CHLSN: variants seen among roughly 807,000 people sequenced by gnomAD.
CHLSN encodes the protein cholesin, also known as protein cholesin.
At chr7:1,136,393 T>C in the CHLSN span, among the ~76,000 whole-genome samples, 1 of 78,072 alleles carries the variant, frequency 1.3e-5, no homozygotes, top group Non-Finnish European at 2.4e-5. Context: ...TATAAACATA[T>C]ATATAAATAT....
chr7:1,004,254 C>T, the CHLSN span, among the ~76,000 whole-genome samples: 5 of 152,154 alleles, frequency 3.3e-5, no homozygotes, highest in African/African-American at 1.2e-4. Context: ...CATCTGCCTG[C>T]TGGGGGCTGT....
chr7:1,065,002 C>T, the CHLSN span, among the ~76,000 whole-genome samples: 5 of 151,970 alleles, frequency 3.3e-5, no homozygotes, highest in South Asian at 6.2e-4. Flanking sequence ...GCTGTCCAAC[C>T]CTAATCATCA....
chr7:989,509 G>C, the CHLSN span: 1 of 153,364 alleles, frequency 6.5e-6, no homozygotes, highest in East Asian at 1.9e-4. Flanking sequence ...GACCCGGTGC[G>C]GTGGCTCATG....
chr7:1,027,156 T>A, the CHLSN span: 2 of 152,272 alleles, frequency 1.3e-5, no homozygotes, highest in East Asian at 3.8e-4. Context: ...TTGTTACACA[T>A]AGTTTAAAAC....
chr7:983,157 G>A, the CHLSN span: 1 of 1,397,368 alleles, frequency 7.2e-7, no homozygotes, highest in Non-Finnish European at 9.4e-7. Context: ...GGCCTATAAG[G>A]GTGCGGGGGG....
chr7:985,077 TG>T, the CHLSN span: 1 of 1,612,408 alleles, frequency 6.2e-7, no homozygotes, highest in Non-Finnish European at 8.5e-7. Flanking sequence ...AATGCCTCTC[TG>T]GGCAGCTGGA....
the CHLSN span, chr7:1,045,284 G>A: frequency 1.2e-3 from 184 of 152,368 alleles, no homozygotes; most frequent in African/African-American, 4.2e-3. Context: ...GCTTATCTCT[G>A]CATGCATGCT....
the CHLSN span, among the ~76,000 whole-genome samples, chr7:1,064,191 C>T: frequency 4.8e-3 from 731 of 152,264 alleles, 6 homozygotes; most frequent in African/African-American, 0.015. Flanking sequence ...ACACCGTGAC[C>T]GGAAGAGGCT....
chr7:1,132,693 T>TAA, the CHLSN span, among the ~76,000 whole-genome samples: 3 of 107,402 alleles, frequency 2.8e-5, no homozygotes, highest in African/African-American at 1.5e-4. Flanking sequence ...GAACCTGTCT[T>TAA]TAAAAAAAAA....
the CHLSN span, among the ~76,000 whole-genome samples, chr7:995,792 C>T: frequency 6.1e-3 from 931 of 152,378 alleles, 13 homozygotes; most frequent in African/African-American, 0.02. Context: ...CGCCTGCCGC[C>T]GGCAAGGCCC....
chr7:1,004,544 A>C, the CHLSN span, among the ~76,000 whole-genome samples: 1 of 152,166 alleles, frequency 6.6e-6, no homozygotes, highest in African/African-American at 2.4e-5. Context: ...CCCACCAGGC[A>C]GACTTCAAGC....
chr7:1,000,393 C>T, the CHLSN span: 2 of 1,230,192 alleles, frequency 1.6e-6, no homozygotes, highest in Non-Finnish European at 2.2e-6. Flanking sequence ...ACACCTCAGC[C>T]CCCGGGGGGA....
At chr7:987,415 G>A in the CHLSN span, 2 of 1,594,234 alleles carry the variant, frequency 1.3e-6, no homozygotes, top group African/African-American at 2.7e-5. Flanking sequence ...GGACCAGCAG[G>A]CTCTGCCCTA....
At chr7:998,310 C>T in the CHLSN span, among the ~76,000 whole-genome samples, 1 of 152,154 alleles carries the variant, frequency 6.6e-6, no homozygotes, top group Non-Finnish European at 1.5e-5. Flanking sequence ...TCCTCAGGTC[C>T]CTGTGGCAGC....
the CHLSN span, chr7:1,091,923 C>T: frequency 2.5e-6 from 4 of 1,613,942 alleles, no homozygotes; most frequent in Non-Finnish European, 3.4e-6. Context: ...CGTGCCTCTA[C>T]ACCATCTTCC....
the CHLSN span, chr7:1,127,265 C>T: frequency 1.6e-5 from 26 of 1,597,400 alleles, no homozygotes; most frequent in Admixed American, 2.7e-4. Context: ...ACCTTGGAGC[C>T]GGCTCCTTCG....
the CHLSN span, among the ~76,000 whole-genome samples, chr7:1,098,602 G>A: frequency 6.6e-6 from 1 of 151,890 alleles, no homozygotes; most frequent in Non-Finnish European, 1.5e-5. Context: ...CGCTCAGTGA[G>A]ATAAAGCAGA....
chr7:1,114,257 G>A, the CHLSN span, among the ~76,000 whole-genome samples: 3 of 152,266 alleles, frequency 2.0e-5, no homozygotes, highest in African/African-American at 7.2e-5. Context: ...CACGTGGTAG[G>A]AGACGCAGAA....
At chr7:1,077,858 A>C in the CHLSN span, 1 of 152,248 alleles carries the variant, frequency 6.6e-6, no homozygotes, top group African/African-American at 2.4e-5. Context: ...GGCCTTGGGC[A>C]GAGGGAAATG....
Sources: allele counts gnomAD v4.1 joint callset (sites outside exome capture counted in the v4.1 genomes callset), GRCh38; gene constraint gnomAD v4.1.1; transcripts MANE v1.5; gene names NCBI Gene and HGNC (gene_info 2026-07-23, HGNC 2026-07-21).